Variants in SUB1 observed in about 807,000 individuals in gnomAD.
SUB1 encodes activated RNA polymerase II transcriptional coactivator p15.
Under a neutral mutation model 16.9 loss-of-function variants are expected in SUB1, and 1 was observed. The observed-to-expected ratio is 0.06, with a 90% CI of 0.02 to 0.28. The LOEUF is 0.28. Ranked by LOEUF, SUB1 falls within the 10% of genes least tolerant of loss-of-function variation. SUB1 has a pLI of 1.00. For synonymous variants in SUB1, 51 were observed against 46.9 expected, an observed-to-expected ratio of 1.09 and a Z score of -0.36; for missense variants, 84 against 145.2, an observed-to-expected ratio of 0.58 and a Z score of 2.16.
chr5:32,588,661 G>A, intron 2 of SUB1, 77 bp downstream of exon 2: 1 of 1,437,074 alleles, frequency 7.0e-7, no homozygotes, highest in Non-Finnish European at 9.5e-7. Flanking sequence ...GATAGTAAAA[G>A]GTGTATTAAC....
intron 2 of SUB1, among the ~76,000 whole-genome samples, chr5:32,589,018 A>G (rs1738748486): frequency 6.6e-6 from 1 of 152,192 alleles, no homozygotes; most frequent in Non-Finnish European, 1.5e-5. Context: ...TCCTAGGGTC[A>G]TAGAATTCTA....
At position 32,601,356 on chromosome 5, in the gene SUB1, TAA is replaced by T. The variant is rs1579520643; in HGVS notation, c.*273_*274del. 1 of 346,320 alleles carries T rather than the reference TAA, an allele frequency of 2.9e-6. No homozygotes were observed. Among genetic ancestry groups the T allele is most frequent in the East Asian group, 6.9e-5 (1 of 14,456 alleles). 21.5% of individuals were successfully genotyped at this position (346,320 alleles called of 1,614,324 possible). A position where few individuals can be genotyped will look rare whatever the true frequency, so the allele number is the denominator to read the frequency against. On this transcript the variant is annotated 3_prime_UTR_variant, in exon 5 of 5. Coordinates refer to ENST00000265073, the MANE Select transcript of SUB1 (RefSeq NM_006713.4). ...TAACTGTTGTGGCCTTTTTTGATCA[TAA>T]GAGTTGGTACTGTTTAAGGCCAAAA... is the stretch of plus-strand genomic sequence containing the variant.
At chr5:32,596,613 A>G (rs1483655663) in intron 3 of SUB1, 1 of 152,174 alleles carries the variant, frequency 6.6e-6, no homozygotes, top group Non-Finnish European at 1.5e-5. Flanking sequence ...CCAAATGCAG[A>G]TAGCCTGTTG....
intron 3 of SUB1, chr5:32,598,302 G>A (rs1739028831): frequency 6.6e-6 from 1 of 152,108 alleles, no homozygotes; most frequent in African/African-American, 2.4e-5. Flanking sequence ...TAGGACTCAT[G>A]GTGTTATTTA....
rs2111694436 is a variant in SUB1, at chr5:32,602,599, G to A, written c.*1515G>A. ...ACTTAATTTGAAAATCATTTGCCAG[G>A]CCACATAGTTATCAATTTTTTTTTC... On this transcript the variant is annotated 3_prime_UTR_variant, in exon 5 of 5. Transcript: ENST00000265073. 1 of 159,478 alleles carries A rather than the reference G, an allele frequency of 6.3e-6. No homozygotes were observed. The highest frequency in any genetic ancestry group is 6.1e-5 in the Admixed American group (1 of 16,452). 9.9% of individuals were successfully genotyped at this position (159,478 alleles called of 1,614,324 possible).
intron 4 of SUB1, among the ~76,000 whole-genome samples, chr5:32,599,448 C>A (rs1739062327): frequency 6.6e-6 from 1 of 152,178 alleles, no homozygotes; most frequent in African/African-American, 2.4e-5. Flanking sequence ...AAAAGCTATT[C>A]TTTAGGGCAT....
intron 1 of SUB1, among the ~76,000 whole-genome samples, chr5:32,587,292 G>T (rs1218160083): frequency 6.6e-6 from 1 of 152,104 alleles, no homozygotes; most frequent in Non-Finnish European, 1.5e-5. Flanking sequence ...TTTATGACCT[G>T]GTGTTATAAG....
At chr5:32,594,153 T>G (rs1054575070) in intron 3 of SUB1, among the ~76,000 whole-genome samples, 2 of 152,212 alleles carry the variant, frequency 1.3e-5, no homozygotes, top group African/African-American at 4.8e-5. Context: ...GAAAAATCAA[T>G]AGACTTATCT....
chr5:32,588,301 T>C (rs993094328), intron 1 of SUB1, among the ~76,000 whole-genome samples: 1 of 152,194 alleles, frequency 6.6e-6, no homozygotes, highest in Admixed American at 6.5e-5. Flanking sequence ...TCATTGTTCT[T>C]ACTGGGTTCA....
chr5:32,590,918 C>G (rs1738808706), intron 2 of SUB1, among the ~76,000 whole-genome samples: 1 of 151,854 alleles, frequency 6.6e-6, no homozygotes, highest in Non-Finnish European at 1.5e-5. Context: ...AGGTGCCCAC[C>G]ACCACGCCTG....
chr5:32,588,748 G>C (rs1317313961), intron 2 of SUB1, among the ~76,000 whole-genome samples, 164 bp downstream of exon 2: 1 of 152,096 alleles, frequency 6.6e-6, no homozygotes, highest in Non-Finnish European at 1.5e-5. Flanking sequence ...GAGGTGGCAG[G>C]ATTGCTTGAG....
chr5:32,590,932 A>G (rs914874149), intron 2 of SUB1, among the ~76,000 whole-genome samples: 1 of 151,496 alleles, frequency 6.6e-6, no homozygotes, highest in Non-Finnish European at 1.5e-5. Flanking sequence ...ACGCCTGGCT[A>G]ACTTTTTTTG....
intron 3 of SUB1, chr5:32,596,955 G>A (rs1409719109): frequency 6.6e-6 from 1 of 152,168 alleles, no homozygotes; most frequent in Non-Finnish European, 1.5e-5. Flanking sequence ...CTGACTGTGA[G>A]TGAGGTGCAT....
chr5:32,599,192 C>CT (rs1406384695), intron 4 of SUB1, 123 bp downstream of exon 4: 4 of 677,108 alleles, frequency 5.9e-6, no homozygotes, highest in South Asian at 3.6e-5. Flanking sequence ...AATTGATTCT[C>CT]TATCTTCTGT....
chr5:32,597,545 C>T (rs1378730961), intron 3 of SUB1: 2 of 152,070 alleles, frequency 1.3e-5, no homozygotes, highest in Non-Finnish European at 2.9e-5. Flanking sequence ...CTCTTGGAGT[C>T]TGTGCTTTCA....
Position 32,601,623 on chromosome 5 carries a change from T to C in SUB1, c.*539T>C, listed in dbSNP as rs1739117237. 6.5e-6 allele frequency: 1 copy of C among 152,808 alleles called. No homozygotes were observed. The highest frequency in any genetic ancestry group is 2.1e-4 in the South Asian group (1 of 4,860). The allele number at this position is 152,808 out of a possible 1,614,324, so 9.5% of individuals were successfully genotyped here. A position where few individuals can be genotyped will look rare whatever the true frequency, so the allele number is the denominator to read the frequency against. On this transcript the variant is annotated 3_prime_UTR_variant, in exon 5 of 5. Transcript: ENST00000265073. The stretch of plus-strand genomic sequence containing the variant: ...CAGTTTTTACTTCACTCTTTATTCT[T>C]TTCTTTGATTATGGTATGCTTATTT...
intron 3 of SUB1, among the ~76,000 whole-genome samples, chr5:32,592,413 A>AC (rs1180239802): frequency 6.6e-6 from 1 of 152,206 alleles, no homozygotes; most frequent in African/African-American, 2.4e-5. Context: ...GACTTGATGA[A>AC]ATCACCTAGA....
intron 3 of SUB1, chr5:32,594,846 G>A (rs7733754): frequency 0.051 from 9,347 of 182,210 alleles, 600 homozygotes; most frequent in African/African-American, 0.16. Flanking sequence ...ATTGTCTTCC[G>A]TGAGACTGGT....
rs1739177699 is a variant in SUB1, at chr5:32,603,951, C to T, written c.*2867C>T. 1 of 151,370 alleles carries T rather than the reference C, an allele frequency of 6.6e-6. No individual in the cohort carries two copies. The highest frequency in any genetic ancestry group is 2.4e-5 in the African/African-American group (1 of 41,194). 9.4% of individuals were successfully genotyped at this position (151,370 alleles called of 1,614,324 possible). ...ACTGTAGGGTGAACATTCACATAAT[C>T]ACAAATATGTAATTCTGTAATTGTG... On this transcript the variant is annotated 3_prime_UTR_variant, in exon 5 of 5. Transcript: ENST00000265073.
Sources: gnomAD v4.1 joint callset for allele counts (sites outside exome capture counted in the v4.1 genomes callset) on GRCh38, gnomAD v4.1.1 for gene constraint, MANE v1.5 for transcripts, NCBI Gene and HGNC (gene_info 2026-07-23, HGNC 2026-07-21) for gene names.